CDH12: variants seen among roughly 807,000 people sequenced by gnomAD.
The protein encoded by CDH12 is cadherin-12.
A neutral mutation model predicts 74.1 loss-of-function variants in CDH12; 41 were observed. That is an observed-to-expected ratio of 0.55 (90% CI 0.43 to 0.72). CDH12 has a LOEUF of 0.72. CDH12 is among the 30% of genes least tolerant of loss of function. CDH12 has a pLI of 0.00. For missense variants in CDH12, 945 were observed against 977.2 expected, an observed-to-expected ratio of 0.97 and a Z score of 0.44; for synonymous variants, 399 against 355.0, an observed-to-expected ratio of 1.12 and a Z score of -1.39.
intron 6 of CDH12, among the ~76,000 whole-genome samples, chr5:21,959,752 C>CA (rs1176227757): frequency 0.045 from 3,653 of 80,622 alleles, 53 homozygotes; most frequent in Non-Finnish European, 0.056. Flanking sequence ...TACTAAAATC[C>CA]AAAAAAAAAA....
chr5:22,655,680 T>G (rs1201872462), intron 1 of CDH12, among the ~76,000 whole-genome samples: 1 of 152,236 alleles, frequency 6.6e-6, no homozygotes, highest in Non-Finnish European at 1.5e-5. Flanking sequence ...AATGCCCTTT[T>G]GCAGGGAAGT....
At chr5:21,932,723 A>T (rs553187139) in intron 6 of CDH12, among the ~76,000 whole-genome samples, 2 of 151,874 alleles carry the variant, frequency 1.3e-5, no homozygotes, top group African/African-American at 4.8e-5. Context: ...ACATGACAAA[A>T]CCCCATCTGT....
At chr5:22,742,692 C>T (rs2127020203) in intron 1 of CDH12, among the ~76,000 whole-genome samples, 1 of 150,534 alleles carries the variant, frequency 6.6e-6, no homozygotes, top group South Asian at 2.1e-4. Flanking sequence ...GGATCTATTG[C>T]ACAATTGAAC....
chr5:22,715,807 A>G (rs201435334), intron 1 of CDH12, among the ~76,000 whole-genome samples: 5 of 80,228 alleles, frequency 6.2e-5, no homozygotes, highest in Admixed American at 3.3e-4. Flanking sequence ...TCTAAAAAAA[A>G]AAAAAAAGAA....
intron 1 of CDH12, among the ~76,000 whole-genome samples, chr5:22,628,814 T>C (rs1304591237): frequency 6.6e-6 from 1 of 151,980 alleles, no homozygotes; most frequent in African/African-American, 2.4e-5. Flanking sequence ...CAGAAGTTGA[T>C]GTTTTGAAAG....
intron 5 of CDH12, among the ~76,000 whole-genome samples, chr5:22,077,789 G>T (rs1372403216): frequency 4.6e-5 from 7 of 152,022 alleles, no homozygotes; most frequent in Non-Finnish European, 8.8e-5. Context: ...CCATAAAGTT[G>T]CAATAAGATA....
At chr5:22,463,508 G>T (rs1580675572) in intron 2 of CDH12, among the ~76,000 whole-genome samples, 1 of 152,172 alleles carries the variant, frequency 6.6e-6, no homozygotes, top group Admixed American at 6.5e-5. Context: ...AAAATGTCTA[G>T]TACTAGCCAA....
intron 6 of CDH12, among the ~76,000 whole-genome samples, chr5:21,876,078 T>G (rs1751924127): frequency 6.6e-6 from 1 of 152,080 alleles, no homozygotes; most frequent in East Asian, 1.9e-4. Flanking sequence ...GTATTTTTAG[T>G]AGAGACAGGA....
intron 1 of CDH12, among the ~76,000 whole-genome samples, chr5:22,730,947 T>C (rs1185392876): frequency 6.6e-6 from 1 of 151,806 alleles, no homozygotes; most frequent in Non-Finnish European, 1.5e-5. Flanking sequence ...CACTTTGTAT[T>C]AGACATAACC....
At chr5:22,751,583 C>A (rs1745579498) in intron 1 of CDH12, among the ~76,000 whole-genome samples, 1 of 151,904 alleles carries the variant, frequency 6.6e-6, no homozygotes, top group African/African-American at 2.4e-5. Context: ...AAATAGACAA[C>A]AGTAATAATA....
At chr5:22,246,318 A>C (rs568757039) in intron 3 of CDH12, among the ~76,000 whole-genome samples, 1 of 152,236 alleles carries the variant, frequency 6.6e-6, no homozygotes, top group East Asian at 1.9e-4. Flanking sequence ...ACTGTATTCA[A>C]TGTTTCACGT....
intron 1 of CDH12, among the ~76,000 whole-genome samples, chr5:22,538,435 T>TA (rs1476244069): frequency 6.6e-6 from 1 of 152,216 alleles, no homozygotes; most frequent in East Asian, 1.9e-4. Flanking sequence ...CCTGATATCT[T>TA]ACAGCAGATA....
intron 1 of CDH12, among the ~76,000 whole-genome samples, chr5:22,811,105 G>A (rs1423853977): frequency 6.6e-6 from 1 of 150,808 alleles, no homozygotes; most frequent in Non-Finnish European, 1.5e-5. Flanking sequence ...ATGTACATAT[G>A]TATATATACA....
intron 4 of CDH12, among the ~76,000 whole-genome samples, chr5:22,166,843 A>G (rs1218958915): frequency 2.0e-5 from 3 of 152,158 alleles, no homozygotes; most frequent in Non-Finnish European, 4.4e-5. Context: ...GAGAAAGAAT[A>G]TATCTTATAT....
intron 1 of CDH12, among the ~76,000 whole-genome samples, chr5:22,839,832 G>A (rs1041505517): frequency 1.3e-5 from 2 of 152,070 alleles, no homozygotes; most frequent in Non-Finnish European, 2.9e-5. Context: ...AAGCATAAAG[G>A]GTAAAGTAGC....
At chr5:21,932,006 T>A (rs2150081901) in intron 6 of CDH12, among the ~76,000 whole-genome samples, 1 of 152,308 alleles carries the variant, frequency 6.6e-6, no homozygotes, top group Non-Finnish European at 1.5e-5. Context: ...ATCTTTCAAT[T>A]TTATAATCAC....
chr5:21,942,807 C>T lies in CDH12; in HGVS notation c.526+32284G>A, dbSNP rs189202851. Among the ~76,000 whole-genome samples the T allele has an allele frequency of 7.6e-3, 1,161 of 152,126 alleles. 18 individuals are homozygous for T. The highest frequency in any genetic ancestry group is 0.027 in the African/African-American group (1,114 of 41,486). The stretch of plus-strand genomic sequence containing the variant: ...TATAACAGTAGTGGCAATATATAAT[C>T]CCCCAAAAATGTTAAATCTCCAGAT... On this transcript the variant is annotated intron_variant, in intron 6 of 14. Transcript: ENST00000382254.
At chr5:22,168,032 G>A (rs1269254018) in intron 4 of CDH12, among the ~76,000 whole-genome samples, 1 of 152,060 alleles carries the variant, frequency 6.6e-6, no homozygotes, top group African/African-American at 2.4e-5. Flanking sequence ...GATGATAAGA[G>A]AATTTTCATG....
chr5:21,988,241 C>T (rs569827172), intron 5 of CDH12, among the ~76,000 whole-genome samples: 1 of 152,080 alleles, frequency 6.6e-6, no homozygotes, highest in African/African-American at 2.4e-5. Context: ...TCTGTAATCT[C>T]AGCACTTTGG....
Sources: allele counts gnomAD v4.1 joint callset (sites outside exome capture counted in the v4.1 genomes callset), GRCh38; gene constraint gnomAD v4.1.1; transcripts MANE v1.5; gene names NCBI Gene and HGNC (gene_info 2026-07-23, HGNC 2026-07-21).